The following MIPOL1 variants were observed in gnomAD, a reference collection of about 807,000 sequenced individuals.
The protein encoded by MIPOL1 is mirror-image polydactyly gene 1 protein.
Under a neutral mutation model 60.9 loss-of-function variants are expected in MIPOL1, and 57 were observed. That is an observed-to-expected ratio of 0.94 (90% CI 0.76 to 1.17). The LOEUF (loss-of-function observed/expected upper bound fraction) is 1.17, where lower values mean the gene tolerates loss of function less well. Among genes scored for constraint, MIPOL1 ranks in the 50% most tolerant of loss-of-function variants. The probability of loss-of-function intolerance (pLI) is 0.00; values close to 1 mark genes in which losing one functional copy is unlikely to be tolerated. For missense variants in MIPOL1, 551 were observed against 511.6 expected (o/e 1.08, Z -0.74); for synonymous variants, 179 against 168.8 (o/e 1.06, Z -0.47).
At chr14:37,531,363 CA>C (rs1369651421) in intron 12 of MIPOL1, among the ~76,000 whole-genome samples, 1 of 152,038 alleles carries the variant, frequency 6.6e-6, no homozygotes, top group Non-Finnish European at 1.5e-5. Context: ...GGACCAAGTT[CA>C]ATTTCCTTGA....
chr14:37,452,275 T>C (rs1207367684), intron 11 of MIPOL1, among the ~76,000 whole-genome samples: 1 of 152,228 alleles, frequency 6.6e-6, no homozygotes, highest in Non-Finnish European at 1.5e-5. Context: ...GATTTTTAAA[T>C]GTTGCATTTA....
intron 9 of MIPOL1, among the ~76,000 whole-genome samples, chr14:37,340,093 T>A (rs375048618): frequency 1.3e-5 from 2 of 152,214 alleles, no homozygotes; most frequent in African/African-American, 4.8e-5. Flanking sequence ...GCATCTTCTT[T>A]CCTCTGGTTT....
At chr14:37,488,183 A>C (rs1440862996) in intron 11 of MIPOL1, among the ~76,000 whole-genome samples, 1 of 152,130 alleles carries the variant, frequency 6.6e-6, no homozygotes, top group Non-Finnish European at 1.5e-5. Flanking sequence ...GTGTGGTTGG[A>C]GTGACTGTTT....
chr14:37,204,616 G>A (rs1030282395), intron 1 of MIPOL1, among the ~76,000 whole-genome samples: 3 of 152,016 alleles, frequency 2.0e-5, no homozygotes, highest in Non-Finnish European at 2.9e-5. Flanking sequence ...CACCTTTCAC[G>A]ATGATTGTGA....
intron 12 of MIPOL1, among the ~76,000 whole-genome samples, chr14:37,545,428 G>A (rs752512636): frequency 7.2e-5 from 11 of 152,172 alleles, no homozygotes; most frequent in Non-Finnish European, 1.6e-4. Flanking sequence ...AAGTATTGCA[G>A]ACTAATCTGA....
intron 11 of MIPOL1, among the ~76,000 whole-genome samples, chr14:37,466,198 G>A (rs2153585404): frequency 6.6e-6 from 1 of 152,220 alleles, no homozygotes; most frequent in South Asian, 2.1e-4. Flanking sequence ...AAGTGAAAGG[G>A]GTTGGGTTGT....
chr14:37,512,160 A>C (rs1594808140), intron 12 of MIPOL1, among the ~76,000 whole-genome samples: 1 of 70,306 alleles, frequency 1.4e-5, no homozygotes, highest in African/African-American at 6.7e-5. Context: ...AGCACTATTG[A>C]CCAAACACAC....
intron 6 of MIPOL1, among the ~76,000 whole-genome samples, chr14:37,273,837 G>T (rs2083460666): frequency 6.6e-6 from 1 of 151,522 alleles, no homozygotes. Context: ...TTATTTTAAG[G>T]ATTAGTGTTA....
chr14:37,501,662 C>A (rs929217388), intron 12 of MIPOL1: 1 of 152,306 alleles, frequency 6.6e-6, no homozygotes, highest in East Asian at 1.9e-4. Context: ...CTCTAGTCTG[C>A]AGCTCCCAGT....
At chr14:37,344,850 A>G (rs1167550366) in intron 9 of MIPOL1, among the ~76,000 whole-genome samples, 1 of 151,964 alleles carries the variant, frequency 6.6e-6, no homozygotes, top group Non-Finnish European at 1.5e-5. Flanking sequence ...GGGCAACATT[A>G]CAAGTCCTCA....
chr14:37,344,500 A>AT, intron 9 of MIPOL1, among the ~76,000 whole-genome samples: 1 of 151,794 alleles, frequency 6.6e-6, no homozygotes, highest in African/African-American at 2.4e-5. Flanking sequence ...ATTTGTTTTT[A>AT]TTAGCAAAAC....
At chr14:37,214,421 T>C (rs543740129) in intron 1 of MIPOL1, among the ~76,000 whole-genome samples, 2 of 152,314 alleles carry the variant, frequency 1.3e-5, no homozygotes, top group South Asian at 2.1e-4. Flanking sequence ...TAATGGGTTA[T>C]AGATAGTATT....
At chr14:37,340,417 A>G (rs2090478916) in intron 9 of MIPOL1, among the ~76,000 whole-genome samples, 1 of 152,202 alleles carries the variant, frequency 6.6e-6, no homozygotes, top group Non-Finnish European at 1.5e-5. Context: ...ATGAAGTAAA[A>G]AAGTTACAGT....
At chr14:37,423,531 A>T (rs2093911651) in intron 11 of MIPOL1, 1 of 151,904 alleles carries the variant, frequency 6.6e-6, no homozygotes, top group East Asian at 1.9e-4. Flanking sequence ...TCAGGTTTGT[A>T]TGTGAGAAAG....
chr14:37,223,026 G>C (rs1001242283), intron 1 of MIPOL1, among the ~76,000 whole-genome samples: 2 of 152,118 alleles, frequency 1.3e-5, no homozygotes, highest in African/African-American at 4.8e-5. Context: ...GACAGAGAGG[G>C]CCACACTTAC....
intron 11 of MIPOL1, among the ~76,000 whole-genome samples, chr14:37,475,068 G>A (rs1402297454): frequency 2.0e-5 from 3 of 151,776 alleles, no homozygotes; most frequent in Admixed American, 6.6e-5. Flanking sequence ...GGGTTCAAGC[G>A]ATACGCCTGC....
At chr14:37,233,028 G>A (rs1240532265) in intron 1 of MIPOL1, among the ~76,000 whole-genome samples, 1 of 152,156 alleles carries the variant, frequency 6.6e-6, no homozygotes, top group Non-Finnish European at 1.5e-5. Context: ...ATGCATGTAT[G>A]GCTTCATCTT....
chr14:37,374,552 A>G (rs1249338715), intron 10 of MIPOL1, among the ~76,000 whole-genome samples: 2 of 152,006 alleles, frequency 1.3e-5, no homozygotes, highest in Non-Finnish European at 2.9e-5. Context: ...ATCTTGAGTT[A>G]ATTTTTGTAT....
At chr14:37,343,214 T>C (rs1965712890) in intron 9 of MIPOL1, among the ~76,000 whole-genome samples, 1 of 152,028 alleles carries the variant, frequency 6.6e-6, no homozygotes, top group Admixed American at 6.6e-5. Flanking sequence ...AAACCTCTTA[T>C]TCTTGTATAA....
Sources: gnomAD v4.1 joint callset for allele counts (sites outside exome capture counted in the v4.1 genomes callset) on GRCh38, gnomAD v4.1.1 for gene constraint, MANE v1.5 for transcripts, NCBI Gene and HGNC (gene_info 2026-07-23, HGNC 2026-07-21) for gene names.